CSMD2: variants seen among roughly 807,000 people sequenced by gnomAD.
CSMD2 encodes CUB and Sushi multiple domains 2, also known as CUB and sushi domain-containing protein 2.
Under a neutral mutation model 398.5 loss-of-function variants are expected in CSMD2, and 130 were observed. The ratio of observed to expected loss-of-function variants is 0.33; its 90% CI spans 0.28 to 0.38. CSMD2 has a LOEUF of 0.38. Among genes scored for constraint, CSMD2 ranks in the 10% least tolerant of loss-of-function variants. The pLI is 1.00. For missense variants in CSMD2, 3,829 were observed against 4,764.9 expected (o/e 0.80, Z 5.78); for synonymous variants, 1,828 against 1,908.5 (o/e 0.96, Z 1.10).
intron 3 of CSMD2, among the ~76,000 whole-genome samples, chr1:33,989,948 G>A (rs552529006): frequency 2.0e-5 from 3 of 152,178 alleles, no homozygotes; most frequent in East Asian, 1.9e-4. Context: ...TTGTGAAAAC[G>A]CACCAAACTG....
chr1:33,543,077 T>C (rs556252620), intron 57 of CSMD2, among the ~76,000 whole-genome samples, 181 bp from the exon 58 acceptor site: 1 of 152,282 alleles, frequency 6.6e-6, no homozygotes, highest in South Asian at 2.1e-4. Flanking sequence ...CCCCTATGAA[T>C]CTTTTGAAAT....
chr1:34,138,053 C>G (rs770280483), intron 1 of CSMD2, among the ~76,000 whole-genome samples: 24 of 152,192 alleles, frequency 1.6e-4, no homozygotes, highest in Non-Finnish European at 3.1e-4. Flanking sequence ...TGAACTGATT[C>G]TCTAACCAAG....
chr1:34,058,365 C>T (rs949787139), intron 2 of CSMD2, among the ~76,000 whole-genome samples: 1 of 152,068 alleles, frequency 6.6e-6, no homozygotes, highest in African/African-American at 2.4e-5. Context: ...GATGCCTGAC[C>T]TAGAGCAAGG....
chr1:33,609,078 T>C (rs898009965), intron 41 of CSMD2, among the ~76,000 whole-genome samples: 1 of 152,240 alleles, frequency 6.6e-6, no homozygotes, highest in Non-Finnish European at 1.5e-5. Flanking sequence ...GCCTCTGTGA[T>C]GAGCCTGCAC....
At chr1:33,810,945 G>T in intron 9 of CSMD2, 81 bp from the exon 10 acceptor site, 1 of 1,504,336 alleles carries the variant, frequency 6.6e-7, no homozygotes, top group Non-Finnish European at 9.1e-7. Context: ...CCACCCAGAA[G>T]ACACTGCATC....
chr1:33,624,461 A>G lies in CSMD2; in HGVS notation c.5625+58T>C. ...CCAGCACCTGTGGTTGTCACCTGTG[A>G]GCTGTTACCTGGGAGCAGACGGCCA... On this transcript the variant is annotated intron_variant, in intron 35 of 70. Transcript: ENST00000373381. This position sits in a 1 kb window ranked among gnomAD's most constrained non-coding sequence, Gnocchi z 4.7. The G allele has an allele frequency of 1.9e-6, 3 of 1,596,406 alleles. No individual in the cohort carries two copies. The highest frequency in any genetic ancestry group is 1.1e-5 in the South Asian group (1 of 88,894).
chr1:33,603,619 G>A (rs1640381433), intron 42 of CSMD2, among the ~76,000 whole-genome samples: 1 of 152,172 alleles, frequency 6.6e-6, no homozygotes, highest in South Asian at 2.1e-4. Flanking sequence ...GAGACAGTGG[G>A]GAACAAGGTA....
At position 33,521,546 on chromosome 1, in the gene CSMD2, G is replaced by A. The variant is rs750437715; in HGVS notation, c.10514C>T (p.Ser3505Leu). The part of the protein sequence containing the change: ...DDHWALDGHV[S>L]SESSGATFIY... ...GAAGGTGGCTCCGGAGGACTCTGAC[G>A]AGACCTGTGATGGTGGGGAGCACAG... Residue 3505 changes from serine to leucine, a missense_variant, in exon 68 of 71, where the codon TCG becomes TTG. By Grantham distance (145) the Ser-to-Leu change is moderately radical. This residue lies in a region of CSMD2 where 917 missense variants were observed against 1,199.5 expected (regional missense o/e 0.76). Coordinates refer to ENST00000373381, the MANE Select transcript of CSMD2 (RefSeq NM_001281956.2). 3.7e-6 allele frequency: 6 copies of A among 1,605,722 alleles called. No homozygotes were observed. In the East Asian group the frequency reaches 6.7e-5, roughly 18 times the overall value.
chr1:34,066,593 T>C (rs1436656480), intron 2 of CSMD2, among the ~76,000 whole-genome samples: 1 of 151,770 alleles, frequency 6.6e-6, no homozygotes, highest in East Asian at 1.9e-4. Flanking sequence ...TGACGTGGAG[T>C]TAGAAGTCAG....
chr1:34,101,329 T>C (rs1659922462), intron 1 of CSMD2, among the ~76,000 whole-genome samples: 1 of 152,196 alleles, frequency 6.6e-6, no homozygotes, highest in South Asian at 2.1e-4. Flanking sequence ...AGAACTAGAC[T>C]CCTCAAGTCA....
chr1:33,707,695 GCACACACACACA>G lies in CSMD2; in HGVS notation c.3576+1382_3576+1393del, dbSNP rs200504764. Among the ~76,000 whole-genome samples, 248 of 92,090 alleles carry G rather than the reference GCACACACACACA, an allele frequency of 2.7e-3. 1 individual carries two copies. The highest frequency in any genetic ancestry group is 9.1e-3 in the South Asian group (29 of 3,188). 60.4% of individuals were successfully genotyped at this position (92,090 alleles called of 152,430 possible). On this transcript the variant is annotated intron_variant, in intron 22 of 70. Transcript: ENST00000373381. ...CGCACGCGTGCACACGCGCGCGCGC[GCACACACACACA>G]CACACACACACACACACACACACAC...
intron 15 of CSMD2, 104 bp downstream of exon 15, chr1:33,739,036 A>G: frequency 8.9e-7 from 1 of 1,128,476 alleles, no homozygotes; most frequent in Non-Finnish European, 1.3e-6. Flanking sequence ...GGAGAAGAGG[A>G]AGGACCAACG....
intron 33 of CSMD2, among the ~76,000 whole-genome samples, chr1:33,625,951 A>G (rs751443404): frequency 6.6e-6 from 1 of 152,204 alleles, no homozygotes; most frequent in Non-Finnish European, 1.5e-5. Flanking sequence ...GGTACCAGCT[A>G]CTTCCCGAAG....
In CSMD2 at chr1:33,743,501, CT is replaced by C; in HGVS notation, c.1951del (p.Arg651GlyfsTer88). 6.2e-7 allele frequency: 1 copy of C among 1,614,084 alleles called. No homozygotes were observed. Among genetic ancestry groups the C allele is most frequent in the Non-Finnish European group, 8.5e-7 (1 of 1,180,028 alleles). ...HLHCVWLILA[R>X]PESRIHLAFN... ...GGCCAGGTGGATGCGGCTCTCAGGC[CT>C]GGCCAGGATGAGCCAGACACAGTGG... On this transcript the variant is annotated frameshift_variant, in exon 14 of 71. Coordinates refer to ENST00000373381, the MANE Select transcript of CSMD2 (RefSeq NM_001281956.2). LOFTEE classifies it high-confidence loss of function.
Position 33,635,135 on chromosome 1 carries a change from G to C in CSMD2, c.5086+79C>G. ...ACAATGGGGCTGTATATAATTGGGA[G>C]GCGTCTGAGGAATTGCTCATTTTGG... On this transcript the variant is annotated intron_variant, in intron 31 of 70. Transcript: ENST00000373381. This position sits in a 1 kb window ranked among gnomAD's most constrained non-coding sequence, Gnocchi z 5.0. 1.2e-6 allele frequency: 1 copy of C among 842,160 alleles called. No individual in the cohort carries two copies. Among genetic ancestry groups the C allele is most frequent in the Non-Finnish European group, 2.0e-6 (1 of 503,476 alleles). The allele number at this position is 842,160 out of a possible 1,614,324, so 52.2% of individuals were successfully genotyped here.
At chr1:33,866,434 G>A (rs1169191841) in intron 5 of CSMD2, among the ~76,000 whole-genome samples, 1 of 152,218 alleles carries the variant, frequency 6.6e-6, no homozygotes, top group Non-Finnish European at 1.5e-5. Context: ...TCTTCATGAA[G>A]GAAGCAGCCT....
chr1:33,809,812 T>C (rs1656649433), intron 10 of CSMD2, among the ~76,000 whole-genome samples: 1 of 152,068 alleles, frequency 6.6e-6, no homozygotes, highest in Non-Finnish European at 1.5e-5. Flanking sequence ...TACAAGATAG[T>C]TGCTAATATA....
chr1:33,848,588 G>A (rs1460627560), intron 5 of CSMD2, among the ~76,000 whole-genome samples: 5 of 152,162 alleles, frequency 3.3e-5, no homozygotes, highest in African/African-American at 1.2e-4. Flanking sequence ...TCATAAATAT[G>A]CATTAAACAA....
At chr1:34,006,185 A>T (rs1438173090) in intron 3 of CSMD2, among the ~76,000 whole-genome samples, 1 of 152,148 alleles carries the variant, frequency 6.6e-6, no homozygotes, top group Admixed American at 6.5e-5. Flanking sequence ...GCCAAATACA[A>T]AGCCAAGGTG....
Sources: gnomAD v4.1 joint callset for allele counts (sites outside exome capture counted in the v4.1 genomes callset) on GRCh38, gnomAD v4.1.1 for gene constraint, gnomAD v4.1.1 regional missense constraint, Gnocchi (gnomAD v3.1) non-coding constraint, MANE v1.5 for transcripts, NCBI Gene and HGNC (gene_info 2026-07-23, HGNC 2026-07-21) for gene names.